ZNF41: variants seen among roughly 807,000 people sequenced by gnomAD.
ZNF41 encodes the protein zinc finger protein 41.
A neutral mutation model predicts 9.3 loss-of-function variants in ZNF41; 6 were observed. The observed-to-expected ratio is 0.65, with a 90% CI of 0.35 to 1.28. ZNF41 has a LOEUF of 1.28. ZNF41 is among the 50% of genes most tolerant of loss of function. ZNF41 has a pLI of 0.03. For missense variants in ZNF41, 523 were observed against 585.8 expected (o/e 0.89, Z 1.11); for synonymous variants, 192 against 207.1 (o/e 0.93, Z 0.63).
intron 1 of ZNF41, among the ~76,000 whole-genome samples, chrX:47,478,397 C>T (rs1358508248): frequency 9.0e-6 from 1 of 110,532 alleles, no homozygotes; most frequent in African/African-American, 3.3e-5. Context: ...GTCCCAGCTA[C>T]GTGGGAGGCT....
chrX:47,459,425 T>C (rs73494322), intron 2 of ZNF41, among the ~76,000 whole-genome samples: 3,225 of 108,573 alleles, frequency 0.03, 41 homozygotes, highest in African/African-American at 0.039. Flanking sequence ...TCCAGGCAGA[T>C]AGTGAGGAAA....
intron 1 of ZNF41, among the ~76,000 whole-genome samples, chrX:47,477,622 T>C (rs1290517370): frequency 8.9e-6 from 1 of 112,710 alleles, no homozygotes; most frequent in Non-Finnish European, 1.9e-5. Context: ...GTATTCTTTG[T>C]CCAATCCAGT....
chrX:47,473,448 C>A (rs1286509232), intron 1 of ZNF41, among the ~76,000 whole-genome samples: 1 of 111,717 alleles, frequency 9.0e-6, no homozygotes, highest in East Asian at 2.8e-4. Context: ...AGGGGAATAT[C>A]TTTTAATAAT....
Position 47,447,785 on chromosome X carries a change from G to C in ZNF41, c.1985C>G (p.Pro662Arg). ...VHQKIHTGEKPNICAECGKAF... is the reference protein window; with the variant it reads ...VHQKIHTGEKRNICAECGKAF... ...CTTTCCACATTCAGCACATATATTG[G>C]GCTTCTCACCTGTGTGGATTTTCTG... The change falls in exon 5 of 5, where the codon CCC (proline) becomes CGC (arginine). Residue 662 changes from proline (P) to arginine (R), a missense_variant. Pro to Arg is a moderately radical substitution (Grantham distance 103). Coordinates refer to ENST00000684689, the MANE Select transcript of ZNF41 (RefSeq NM_001324144.2). 8.3e-7 allele frequency: 1 copy of C among 1,211,384 alleles called. No homozygotes were observed. Among genetic ancestry groups the C allele is most frequent in the Non-Finnish European group, 1.1e-6 (1 of 895,426 alleles).
chrX:47,474,149 A>G (rs966633612), intron 1 of ZNF41, among the ~76,000 whole-genome samples: 2 of 112,517 alleles, frequency 1.8e-5, no homozygotes, highest in Admixed American at 9.5e-5. Context: ...CATTATGCTG[A>G]GTGAAAAAAC....
At position 47,447,539 on chromosome X, in the gene ZNF41, T is replaced by C. The variant is rs1043357049; in HGVS notation, c.2231A>G (p.Lys744Arg). 1.7e-6 allele frequency: 2 copies of C among 1,210,555 alleles called. No individual in the cohort carries two copies. The highest frequency in any genetic ancestry group is 2.2e-6 in the Non-Finnish European group (2 of 895,426). ...ACATTCTGTACAAGCATAAGGTTTC[T>C]TTCCTGTATGAATTATCTGATGCAT... ...LSMHQIIHTG[K>R]KPYACTECQK... The change falls in exon 5 of 5, where the codon AAG becomes AGG. Residue 744 changes from lysine to arginine, a missense_variant. Lys to Arg is a conservative substitution (Grantham distance 26). Coordinates refer to ENST00000684689, the MANE Select transcript of ZNF41 (RefSeq NM_001324144.2).
Position 47,445,180 on chromosome X carries a change from C to A in ZNF41, c.*2250G>T, listed in dbSNP as rs2056075679. On this transcript the variant is annotated 3_prime_UTR_variant, in exon 5 of 5. Transcript: ENST00000684689. ...TTAAACAGACACTTCATCAAAGATTCTCAATAAAAGATGATCAATATTATT... is the reference window on the plus strand; with the variant it reads ...TTAAACAGACACTTCATCAAAGATTATCAATAAAAGATGATCAATATTATT... Among the ~76,000 whole-genome samples, 1 of 112,025 alleles carries A rather than the reference C, an allele frequency of 8.9e-6. No homozygotes were observed. Among genetic ancestry groups the A allele is most frequent in the East Asian group, 2.8e-4 (1 of 3,605 alleles).
intron 1 of ZNF41, among the ~76,000 whole-genome samples, chrX:47,477,613 T>TGA (rs1344339175): frequency 8.9e-6 from 1 of 112,719 alleles, no homozygotes. Flanking sequence ...ACAACTTAAG[T>TGA]ATTCTTTGTC....
intron 2 of ZNF41, among the ~76,000 whole-genome samples, 199 bp from the exon 3 acceptor site, chrX:47,456,597 T>C (rs1222985341): frequency 8.9e-6 from 1 of 112,696 alleles, no homozygotes; most frequent in African/African-American, 3.2e-5. Context: ...CTACATTAAT[T>C]CATTTATTCA....
rs551389567 is a variant in ZNF41, at chrX:47,470,511, G to C, written c.-279-2751C>G. Among the ~76,000 whole-genome samples, 56 of 109,151 alleles carry C rather than the reference G, an allele frequency of 5.1e-4. No homozygotes were observed. In the South Asian group the frequency reaches 0.011, roughly 21 times the overall value. 94.8% of individuals were successfully genotyped at this position (109,151 alleles called of 115,157 possible). A position where few individuals can be genotyped will look rare whatever the true frequency, so the allele number is the denominator to read the frequency against. On this transcript the variant is annotated intron_variant, in intron 1 of 4. Transcript: ENST00000684689. ...GGAGGCTGAGGCAGGCAGATTACCTGAGGTCAGGAGTTTGACACCAGCCTG... is the reference window on the plus strand; with the variant it reads ...GGAGGCTGAGGCAGGCAGATTACCTCAGGTCAGGAGTTTGACACCAGCCTG...
At chrX:47,472,433 C>CT (rs767484521) in intron 1 of ZNF41, among the ~76,000 whole-genome samples, 1,853 of 57,920 alleles carry the variant, frequency 0.032, 62 homozygotes, top group African/African-American at 0.043. Flanking sequence ...AACATGGCTT[C>CT]TTTTTTTTTT....
chrX:47,445,433 A>G lies in ZNF41; in HGVS notation c.*1997T>C, dbSNP rs184560273. On this transcript the variant is annotated 3_prime_UTR_variant, in exon 5 of 5. Coordinates refer to ENST00000684689, the MANE Select transcript of ZNF41 (RefSeq NM_001324144.2). Reference sequence around the variant, plus strand: ...GGGAGATACTACAATGGTTTGGAGGACAAGAAAATAAAACCGAAAACTAAA... The same window carrying G: ...GGGAGATACTACAATGGTTTGGAGGGCAAGAAAATAAAACCGAAAACTAAA... 2.1e-3 allele frequency among the ~76,000 whole-genome samples: 235 copies of G among 111,703 alleles called. No homozygotes were observed. Among genetic ancestry groups the G allele is most frequent in the African/African-American group, 7.4e-3 (229 of 30,799 alleles).
intron 1 of ZNF41, among the ~76,000 whole-genome samples, chrX:47,468,384 C>T (rs1035115796): frequency 3.6e-5 from 4 of 111,531 alleles, no homozygotes; most frequent in African/African-American, 1.3e-4. Flanking sequence ...ATTCAGTGTA[C>T]ATTCTATGCA....
intron 1 of ZNF41, among the ~76,000 whole-genome samples, chrX:47,468,207 T>C (rs2057055707): frequency 9.0e-6 from 1 of 111,008 alleles, no homozygotes; most frequent in Non-Finnish European, 1.9e-5. Context: ...AGGACAAGGA[T>C]TCAAACCCAG....
chrX:47,466,980 G>C (rs755797425), intron 2 of ZNF41, among the ~76,000 whole-genome samples: 25 of 111,890 alleles, frequency 2.2e-4, no homozygotes, highest in Admixed American at 6.6e-4. Context: ...TGGGGGAAAG[G>C]GGCACTGGTG....
chrX:47,466,973 G>T (rs2057012620), intron 2 of ZNF41, among the ~76,000 whole-genome samples: 1 of 111,982 alleles, frequency 8.9e-6, no homozygotes, highest in African/African-American at 3.2e-5. Flanking sequence ...AGAGACCTGG[G>T]GGAAAGGGGC....
At position 47,467,556 on chromosome X, in the gene ZNF41, C is replaced by T; in HGVS notation, c.-75G>A. ...TTCCCCAAGCTGGAAGCTGAGCTGG[C>T]ATCTGTGGACTCAACCGGAGCTGCT... is the stretch of plus-strand genomic sequence containing the variant. On this transcript the variant is annotated 5_prime_UTR_variant, in exon 2 of 5. The change abolishes an upstream ATG in the 5' untranslated region. Transcript: ENST00000684689. The T allele has an allele frequency of 8.9e-7, 1 of 1,123,539 alleles. No individual in the cohort carries two copies. Among genetic ancestry groups the T allele is most frequent in the Non-Finnish European group, 1.2e-6 (1 of 835,634 alleles). The allele number at this position is 1,123,539 out of a possible 1,213,427, so 92.6% of individuals were successfully genotyped here.
At chrX:47,464,717 A>G (rs1164718459) in intron 2 of ZNF41, among the ~76,000 whole-genome samples, 1 of 111,417 alleles carries the variant, frequency 9.0e-6, no homozygotes, top group Non-Finnish European at 1.9e-5. Context: ...AGGAGTGGGG[A>G]GGACCACATT....
chrX:47,461,099 CTT>C (rs372319051), intron 2 of ZNF41, among the ~76,000 whole-genome samples: 3,273 of 97,954 alleles, frequency 0.033, 43 homozygotes, highest in African/African-American at 0.051. Context: ...CTTTTCTTTT[CTT>C]TTTTTTTTTT....
Sources: gnomAD v4.1 joint callset for allele counts (sites outside exome capture counted in the v4.1 genomes callset) on GRCh38, gnomAD v4.1.1 for gene constraint, MANE v1.5 for transcripts, NCBI Gene and HGNC (gene_info 2026-07-23, HGNC 2026-07-21) for gene names.